The following ACOT13 variants were observed in gnomAD, a reference collection of about 807,000 sequenced individuals.
The protein encoded by ACOT13 is acyl-CoA thioesterase 13, also known as acyl-coenzyme A thioesterase 13.
In ACOT13, 10 loss-of-function variants were observed where a neutral mutation model predicts 11.8. The observed-to-expected ratio is 0.85, with a 90% confidence interval of 0.53 to 1.44. The LOEUF (loss-of-function observed/expected upper bound fraction) is 1.44. Among genes scored for constraint, ACOT13 ranks in the 40% most tolerant of loss-of-function variants. ACOT13 has a pLI of 0.00. For synonymous variants in ACOT13, 53 were observed against 61.0 expected, an observed-to-expected ratio of 0.87 and a Z score of 0.61; for missense variants, 172 against 174.1, an observed-to-expected ratio of 0.99 and a Z score of 0.07.
rs1032442888 is a variant in ACOT13 at position 24,686,707 on chromosome 6, C to G, written c.82-11176C>G. 2.8e-5 allele frequency among the ~76,000 whole-genome samples: 4 copies of G among 140,356 alleles called. No individual in the cohort carries two copies. In the Admixed American group the frequency reaches 3.0e-4, roughly 10 times the overall value. The allele number at this position is 140,356 out of a possible 152,430, so 92.1% of individuals were successfully genotyped here. On this transcript the variant is annotated intron_variant, in intron 1 of 2. Coordinates refer to ENST00000230048, the MANE Select transcript of ACOT13 (RefSeq NM_018473.4). The stretch of plus-strand genomic sequence containing the variant: ...TTCTCTTCTCTTCTTCTTTTCTTTT[C>G]TTTTCTTTTTTCTTACAGGATCTTA...
intron 1 of ACOT13, among the ~76,000 whole-genome samples, chr6:24,675,659 A>G (rs1778440837): frequency 1.3e-5 from 2 of 151,796 alleles, no homozygotes; most frequent in South Asian, 4.2e-4. Context: ...GATTGTAAAA[A>G]TTTTCTCCCA....
chr6:24,675,127 A>G (rs543627474), intron 1 of ACOT13, among the ~76,000 whole-genome samples: 72 of 152,172 alleles, frequency 4.7e-4, no homozygotes, highest in Middle Eastern at 3.4e-3. Context: ...ATTCCAGTCT[A>G]TCATTCATGG....
chr6:24,698,312 A>T (rs1245122088), intron 2 of ACOT13, among the ~76,000 whole-genome samples: 6 of 152,214 alleles, frequency 3.9e-5, no homozygotes, highest in African/African-American at 1.4e-4. Context: ...AAAGAGCAAC[A>T]TTCAGCTTTT....
intron 2 of ACOT13, 51 bp from the exon 3 acceptor site, chr6:24,701,408 C>A: frequency 1.3e-6 from 2 of 1,545,074 alleles, no homozygotes; most frequent in Non-Finnish European, 1.8e-6. Flanking sequence ...ATGCACACAA[C>A]TTTCCCTTTG....
chr6:24,691,984 A>T (rs1045243618), intron 1 of ACOT13, among the ~76,000 whole-genome samples: 1 of 152,216 alleles, frequency 6.6e-6, no homozygotes, highest in African/African-American at 2.4e-5. Context: ...TGTAGCTACT[A>T]TTGAGACTAA....
chr6:24,699,344 G>A (rs1778854271), intron 2 of ACOT13, among the ~76,000 whole-genome samples: 1 of 151,842 alleles, frequency 6.6e-6, no homozygotes. Context: ...CGAGTAGCTG[G>A]GACTACAGGC....
In ACOT13 at chr6:24,702,852, A is replaced by G. The variant is rs1334243625; in HGVS notation, c.*1237A>G. On this transcript the variant is annotated 3_prime_UTR_variant, in exon 3 of 3. Coordinates refer to ENST00000230048, the MANE Select transcript of ACOT13 (RefSeq NM_018473.4). ...ATGCAGATCTCAAACCTCCAAGTCT[A>G]TAGTATTGAAAAGACCAAGTTCACT... 1.3e-5 allele frequency: 2 copies of G among 152,118 alleles called. No individual in the cohort carries two copies. Among genetic ancestry groups the G allele is most frequent in the Non-Finnish European group, 2.9e-5 (2 of 68,032 alleles). 9.4% of individuals were successfully genotyped at this position (152,118 alleles called of 1,614,324 possible).
chr6:24,674,748 A>G (rs1160313540), intron 1 of ACOT13, among the ~76,000 whole-genome samples: 1 of 152,048 alleles, frequency 6.6e-6, no homozygotes, highest in Non-Finnish European at 1.5e-5. Flanking sequence ...TTTTCTTATT[A>G]TACTTTAAGT....
chr6:24,698,880 A>T (rs1778842814), intron 2 of ACOT13, among the ~76,000 whole-genome samples: 1 of 151,996 alleles, frequency 6.6e-6, no homozygotes, highest in Admixed American at 6.6e-5. Context: ...TCCAGTGTCC[A>T]CCCACCTCAG....
intron 1 of ACOT13, among the ~76,000 whole-genome samples, chr6:24,691,354 C>T (rs1024433796): frequency 6.6e-6 from 1 of 152,120 alleles, no homozygotes; most frequent in Non-Finnish European, 1.5e-5. Context: ...ACTGGAGATA[C>T]ATCAGTGAAC....
At chr6:24,671,263 G>A (rs545103062) in intron 1 of ACOT13, among the ~76,000 whole-genome samples, 61 of 152,116 alleles carry the variant, frequency 4.0e-4, no homozygotes, top group African/African-American at 1.4e-3. Flanking sequence ...ACATATACAC[G>A]ATGGAATACT....
intron 1 of ACOT13, among the ~76,000 whole-genome samples, chr6:24,678,937 G>A (rs984243999): frequency 1.3e-5 from 2 of 152,190 alleles, no homozygotes; most frequent in Admixed American, 1.3e-4. Context: ...GTGATGGCAT[G>A]GGCTGGTGCT....
At chr6:24,677,311 CAAGT>C (rs759499994) in intron 1 of ACOT13, among the ~76,000 whole-genome samples, 11 of 152,204 alleles carry the variant, frequency 7.2e-5, no homozygotes, top group Non-Finnish European at 1.5e-4. Flanking sequence ...ACTGGCCCAT[CAAGT>C]AATAGAGCCT....
chr6:24,693,908 GA>G (rs1404802388), intron 1 of ACOT13, among the ~76,000 whole-genome samples: 3 of 152,086 alleles, frequency 2.0e-5, no homozygotes, highest in Non-Finnish European at 4.4e-5. Context: ...ATTTTTAGTA[GA>G]TACAGGGTTT....
intron 1 of ACOT13, among the ~76,000 whole-genome samples, chr6:24,695,903 C>G (rs370257911): frequency 6.6e-6 from 1 of 152,172 alleles, no homozygotes; most frequent in East Asian, 1.9e-4. Context: ...CCTAAAAATA[C>G]AAAAATTAGC....
chr6:24,699,661 GA>G (rs912496812), intron 2 of ACOT13, among the ~76,000 whole-genome samples: 2 of 152,222 alleles, frequency 1.3e-5, no homozygotes, highest in Non-Finnish European at 2.9e-5. Flanking sequence ...GTACAGAAAA[GA>G]AAGGCTCTGC....
intron 1 of ACOT13, among the ~76,000 whole-genome samples, chr6:24,667,616 TCAAC>T (rs1017137642): frequency 6.6e-6 from 1 of 152,236 alleles, no homozygotes; most frequent in Non-Finnish European, 1.5e-5. Flanking sequence ...GTTTGATCCT[TCAAC>T]CAACAAACGT....
At chr6:24,674,088 G>T (rs1778406857) in intron 1 of ACOT13, among the ~76,000 whole-genome samples, 1 of 152,036 alleles carries the variant, frequency 6.6e-6, no homozygotes, top group South Asian at 2.1e-4. Context: ...CTGAGACAGA[G>T]TCTTGCTCTG....
chr6:24,701,493 G>A lies in ACOT13; in HGVS notation c.301G>A (p.Val101Met). The change falls in exon 3 of 3, where the codon GTG (valine) becomes ATG (methionine). Residue 101 changes from valine (V) to methionine (M), a missense_variant. Val to Met is a conservative substitution (Grantham distance 21). Transcript: ENST00000230048. The stretch of plus-strand genomic sequence containing the variant: ...ACCTGCAAAATTAGGAGAAGATATA[G>A]TGATTACAGCACATGTTCTGAAGCA... The part of the protein sequence containing the change: ...MSPAKLGEDI[V>M]ITAHVLKQGK... 1 of 1,612,944 alleles carries A rather than the reference G, an allele frequency of 6.2e-7. No homozygotes were observed. Among genetic ancestry groups the A allele is most frequent in the South Asian group, 1.1e-5 (1 of 90,838 alleles).
Sources: allele counts gnomAD v4.1 joint callset (sites outside exome capture counted in the v4.1 genomes callset), GRCh38; gene constraint gnomAD v4.1.1; transcripts MANE v1.5; gene names NCBI Gene and HGNC (gene_info 2026-07-23, HGNC 2026-07-21).